MAP2K5: variants seen among roughly 807,000 people sequenced by gnomAD.
MAP2K5 encodes the protein dual specificity mitogen-activated protein kinase kinase 5.
Under a neutral mutation model 83.1 loss-of-function variants are expected in MAP2K5, and 49 were observed. That is an observed-to-expected ratio of 0.59 (90% CI 0.47 to 0.75). The LOEUF (loss-of-function observed/expected upper bound fraction) is 0.75. Among genes scored for constraint, MAP2K5 ranks in the 30% least tolerant of loss-of-function variants. MAP2K5 has a pLI of 0.00. For synonymous variants in MAP2K5, 202 were observed against 191.8 expected, an observed-to-expected ratio of 1.05 and a Z score of -0.44; for missense variants, 457 against 557.5, an observed-to-expected ratio of 0.82 and a Z score of 1.82.
intron 21 of MAP2K5, among the ~76,000 whole-genome samples, chr15:67,803,682 G>A (rs1473410811): frequency 6.6e-6 from 1 of 152,204 alleles, no homozygotes; most frequent in African/African-American, 2.4e-5. Flanking sequence ...GGGAGGAGGG[G>A]GAGTCAGTGA....
At chr15:67,611,017 A>G (rs1234804554) in intron 8 of MAP2K5, among the ~76,000 whole-genome samples, 1 of 152,238 alleles carries the variant, frequency 6.6e-6, no homozygotes, top group Non-Finnish European at 1.5e-5. Flanking sequence ...GGCACAATCA[A>G]TATAGCATTT....
chr15:67,700,629 G>T (rs1354745530), intron 15 of MAP2K5, among the ~76,000 whole-genome samples: 3 of 152,086 alleles, frequency 2.0e-5, no homozygotes, highest in East Asian at 3.9e-4. Flanking sequence ...TCAAATCCTG[G>T]CTCCATAAAT....
intron 21 of MAP2K5, among the ~76,000 whole-genome samples, chr15:67,796,448 C>T (rs1750817423): frequency 6.6e-6 from 1 of 152,156 alleles, no homozygotes; most frequent in Admixed American, 6.5e-5. Flanking sequence ...GGAGCTGGCA[C>T]ATCACATGGC....
intron 7 of MAP2K5, among the ~76,000 whole-genome samples, chr15:67,594,319 C>A (rs2085477740): frequency 6.6e-6 from 1 of 152,156 alleles, no homozygotes; most frequent in African/African-American, 2.4e-5. Context: ...TAAACAAAAT[C>A]TGACTAAAAG....
chr15:67,574,943 G>A (rs149356018), intron 3 of MAP2K5, among the ~76,000 whole-genome samples: 17 of 152,252 alleles, frequency 1.1e-4, no homozygotes, highest in African/African-American at 4.1e-4. Flanking sequence ...AAGAGAGATG[G>A]TTTGGATTAC....
chr15:67,685,308 A>T (rs891459951), intron 13 of MAP2K5, among the ~76,000 whole-genome samples: 1 of 152,254 alleles, frequency 6.6e-6, no homozygotes, highest in Non-Finnish European at 1.5e-5. Flanking sequence ...CGTCTTTAAA[A>T]TGTTGAAAGA....
At chr15:67,550,303 T>C (rs983166443) in intron 2 of MAP2K5, among the ~76,000 whole-genome samples, 1 of 152,234 alleles carries the variant, frequency 6.6e-6, no homozygotes, top group African/African-American at 2.4e-5. Flanking sequence ...TTCTACAATA[T>C]AGCTTTAATT....
intron 8 of MAP2K5, among the ~76,000 whole-genome samples, chr15:67,617,598 G>T (rs1279264222): frequency 6.6e-6 from 1 of 152,126 alleles, no homozygotes; most frequent in East Asian, 1.9e-4. Context: ...AAATTTGTGT[G>T]GGAGTCCAGA....
At position 67,652,613 on chromosome 15, in the gene MAP2K5, G is replaced by C. The variant is rs1260336999; in HGVS notation, c.737-5940G>C. Among the ~76,000 whole-genome samples the C allele has an allele frequency of 6.6e-6, 1 of 152,192 alleles. No homozygotes were observed. Among genetic ancestry groups the C allele is most frequent in the African/African-American group, 2.4e-5 (1 of 41,444 alleles). ...AGGCCCCATCTTCAACATTGGGAGT[G>C]AGATTTCAACATGAGTTTTGAAGGG... On this transcript the variant is annotated intron_variant, in intron 11 of 21. Transcript: ENST00000178640. The surrounding 1 kb of genome is among the most constrained non-coding windows in gnomAD (Gnocchi z 4.2).
intron 6 of MAP2K5, among the ~76,000 whole-genome samples, chr15:67,592,289 A>C (rs886810326): frequency 6.6e-6 from 1 of 152,104 alleles, no homozygotes; most frequent in Non-Finnish European, 1.5e-5. Flanking sequence ...GTAAAAACAC[A>C]CCTGCTATGG....
intron 2 of MAP2K5, among the ~76,000 whole-genome samples, chr15:67,553,558 A>G (rs1252962234): frequency 1.3e-5 from 2 of 152,166 alleles, no homozygotes; most frequent in African/African-American, 4.8e-5. Flanking sequence ...TTTCATGATT[A>G]TTTTGTGGTG....
intron 15 of MAP2K5, among the ~76,000 whole-genome samples, chr15:67,696,562 A>G (rs1244902653): frequency 6.6e-6 from 1 of 152,234 alleles, no homozygotes; most frequent in Non-Finnish European, 1.5e-5. Flanking sequence ...CTATGCTGTT[A>G]GGTACAGTGG....
At position 67,781,082 on chromosome 15, in the gene MAP2K5, C is replaced by A. The variant is rs2090321335; in HGVS notation, c.1242+8330C>A. Among the ~76,000 whole-genome samples, 1 of 152,214 alleles carries A rather than the reference C, an allele frequency of 6.6e-6. No individual in the cohort carries two copies. The highest frequency in any genetic ancestry group is 1.5e-5 in the Non-Finnish European group (1 of 68,048). On this transcript the variant is annotated intron_variant, in intron 21 of 21. Transcript: ENST00000178640. The surrounding 1 kb of genome is among the most constrained non-coding windows in gnomAD (Gnocchi z 4.0). ...CATCAGATGCATGCCACCCACTCCC[C>A]AGCTCTTGGGAATAATGGATTCAGT...
intron 13 of MAP2K5, among the ~76,000 whole-genome samples, chr15:67,672,980 G>A (rs1398883701): frequency 3.9e-5 from 6 of 152,002 alleles, no homozygotes; most frequent in Non-Finnish European, 8.8e-5. Flanking sequence ...GTAGATATGC[G>A]GTGTTATTTC....
At position 67,686,381 on chromosome 15, in the gene MAP2K5, C is replaced by G. The variant is rs2087952948; in HGVS notation, c.848-6098C>G. Among the ~76,000 whole-genome samples, 3 of 152,024 alleles carry G rather than the reference C, an allele frequency of 2.0e-5. No homozygotes were observed. The South Asian group carries it at 6.2e-4, about 32-fold the overall frequency. On this transcript the variant is annotated intron_variant, in intron 13 of 21. Coordinates refer to ENST00000178640, the MANE Select transcript of MAP2K5 (RefSeq NM_145160.3). ...CAGCACTTTGGGAGGCCAAGGCAAG[C>G]AGATCACGTGAGTTCAGGAGTTCGA... is the stretch of plus-strand genomic sequence containing the variant.
chr15:67,585,960 G>A (rs764081599), intron 5 of MAP2K5, 30 bp downstream of exon 5: 43 of 1,592,806 alleles, frequency 2.7e-5, no homozygotes, highest in Non-Finnish European at 3.4e-5. Flanking sequence ...TTTCAGTAAA[G>A]TTAGATGGAT....
chr15:67,579,580 G>C (rs906372448), intron 3 of MAP2K5, among the ~76,000 whole-genome samples: 2 of 152,112 alleles, frequency 1.3e-5, no homozygotes, highest in African/African-American at 4.8e-5. Context: ...TTATCAGTGT[G>C]TAGCTATCCA....
rs2090712815 is a variant in MAP2K5, at chr15:67,801,880, TATAGAA to T, written c.1243-4764_1243-4759del. On this transcript the variant is annotated intron_variant, in intron 21 of 21. Coordinates refer to ENST00000178640, the MANE Select transcript of MAP2K5 (RefSeq NM_145160.3). The surrounding 1 kb of genome is among the most constrained non-coding windows in gnomAD (Gnocchi z 4.8). ...AAATGCATTATATTCTCTAGAAAGT[TATAGAA>T]AGAGATGAAAGTATGGGGACCCCAA... Among the ~76,000 whole-genome samples the T allele has an allele frequency of 6.6e-6, 1 of 152,170 alleles. No individual in the cohort carries two copies. Among genetic ancestry groups the T allele is most frequent in the Non-Finnish European group, 1.5e-5 (1 of 68,030 alleles).
At chr15:67,583,927 T>G (rs1285951844) in intron 4 of MAP2K5, among the ~76,000 whole-genome samples, 1 of 151,776 alleles carries the variant, frequency 6.6e-6, no homozygotes, top group Non-Finnish European at 1.5e-5. Context: ...TTTTAATTTT[T>G]TAATAGCGAC....
Sources: gnomAD v4.1 joint callset for allele counts (sites outside exome capture counted in the v4.1 genomes callset) on GRCh38, gnomAD v4.1.1 for gene constraint, Gnocchi (gnomAD v3.1) non-coding constraint, MANE v1.5 for transcripts, NCBI Gene and HGNC (gene_info 2026-07-23, HGNC 2026-07-21) for gene names.